Variants in NAV1 observed in about 807,000 individuals in gnomAD.
NAV1 encodes pore membrane and/or filament interacting like protein 3.
In NAV1, 18 loss-of-function variants were observed where a neutral mutation model predicts 175.2. The ratio of observed to expected loss-of-function variants is 0.10; its 90% CI spans 0.07 to 0.15. The LOEUF is 0.15. NAV1 is among the 10% of genes least tolerant of loss of function. The pLI is 1.00. For synonymous variants in NAV1, 897 were observed against 978.7 expected, an observed-to-expected ratio of 0.92 and a Z score of 1.56; for missense variants, 1,731 against 2,436.6, an observed-to-expected ratio of 0.71 and a Z score of 6.10.
At chr1:201,762,101 A>C (rs1674899596) in intron 3 of NAV1, among the ~76,000 whole-genome samples, 1 of 152,238 alleles carries the variant, frequency 6.6e-6, no homozygotes, top group Non-Finnish European at 1.5e-5. Flanking sequence ...TTGAGGCTGC[A>C]ATGAGCTGTG....
intron 2 of NAV1, among the ~76,000 whole-genome samples, chr1:201,641,859 A>T (rs1015623544): frequency 6.6e-6 from 1 of 152,052 alleles, no homozygotes; most frequent in Admixed American, 6.5e-5. Context: ...GTATGGGCTC[A>T]TGTGCCCCCT....
intron 1 of NAV1, among the ~76,000 whole-genome samples, chr1:201,701,340 C>T (rs1465004995): frequency 6.6e-6 from 1 of 151,608 alleles, no homozygotes; most frequent in Non-Finnish European, 1.5e-5. Flanking sequence ...TGCAACAAAC[C>T]AACATAGCAC....
At chr1:201,553,611 G>A (rs200996783) in intron 1 of NAV1, among the ~76,000 whole-genome samples, 5 of 152,156 alleles carry the variant, frequency 3.3e-5, no homozygotes, top group Non-Finnish European at 7.4e-5. Flanking sequence ...GACCCACACC[G>A]GATCCAGATA....
intron 1 of NAV1, among the ~76,000 whole-genome samples, chr1:201,550,194 C>T (rs767397125): frequency 3.3e-5 from 5 of 151,742 alleles, no homozygotes; most frequent in South Asian, 2.1e-4. Flanking sequence ...TTTTAAGAGA[C>T]GGGGTCTTAA....
chr1:201,651,176 A>G (rs954395410), intron 1 of NAV1, among the ~76,000 whole-genome samples: 2 of 129,428 alleles, frequency 1.5e-5, no homozygotes, highest in Admixed American at 7.7e-5. Flanking sequence ...TGAGAGAGGG[A>G]CTTGGCGAGG....
intron 1 of NAV1, among the ~76,000 whole-genome samples, chr1:201,572,960 C>T (rs942466970): frequency 1.3e-5 from 2 of 151,378 alleles, no homozygotes; most frequent in Non-Finnish European, 2.9e-5. Flanking sequence ...CTTGCCCCTG[C>T]CCATCTCACC....
intron 1 of NAV1, among the ~76,000 whole-genome samples, chr1:201,660,983 T>C (rs1259312860): frequency 6.6e-6 from 1 of 152,194 alleles, no homozygotes. Context: ...GCCTTATTGG[T>C]GCATGCTTGT....
At chr1:201,710,233 G>T (rs659963) in intron 1 of NAV1, among the ~76,000 whole-genome samples, 1 of 148,702 alleles carries the variant, frequency 6.7e-6, no homozygotes, top group Non-Finnish European at 1.5e-5. Flanking sequence ...ATGGGTTTTT[G>T]GAAATTTTAA....
exon 30 of NAV1, chr1:201,826,427 A>C (rs1679676289): frequency 1.3e-5 from 2 of 152,326 alleles, no homozygotes; most frequent in African/African-American, 2.4e-5. Context: ...TTTCTAACAA[A>C]ACAATCTTTT....
rs572408209 is a variant in NAV1, at chr1:201,707,964, A to G, written c.758-4853A>G. 1.1e-4 allele frequency among the ~76,000 whole-genome samples: 17 copies of G among 152,368 alleles called. No homozygotes were observed. The South Asian group carries it at 3.5e-3, about 32-fold the overall frequency. ...TTTGGAGTCAAAAAGACTTGTGATC[A>G]GTCCCCTGGCTCAAATTAAATAACA... On this transcript the variant is annotated intron_variant, in intron 1 of 29. Coordinates refer to ENST00000367296, the Ensembl canonical transcript of NAV1.
chr1:201,730,768 T>C (rs1467540699), intron 3 of NAV1, among the ~76,000 whole-genome samples: 1 of 152,190 alleles, frequency 6.6e-6, no homozygotes, highest in African/African-American at 2.4e-5. Flanking sequence ...TGAATACAAG[T>C]CCTTGTTTGA....
At chr1:201,701,034 A>G (rs1177461700) in intron 1 of NAV1, among the ~76,000 whole-genome samples, 2 of 144,686 alleles carry the variant, frequency 1.4e-5, no homozygotes, top group African/African-American at 2.5e-5. Flanking sequence ...AAAAAAAAAG[A>G]AAGAAAAGAA....
At chr1:201,754,886 G>A (rs1056237769) in intron 3 of NAV1, among the ~76,000 whole-genome samples, 1 of 152,078 alleles carries the variant, frequency 6.6e-6, no homozygotes, top group Non-Finnish European at 1.5e-5. Flanking sequence ...CAATAAATTA[G>A]CAATAAATTT....
At chr1:201,583,338 G>C (rs1666925245) in intron 1 of NAV1, among the ~76,000 whole-genome samples, 1 of 152,252 alleles carries the variant, frequency 6.6e-6, no homozygotes, top group African/African-American at 2.4e-5. Flanking sequence ...TGTGTTAATT[G>C]TCCAAGCCCT....
chr1:201,673,613 G>T (rs975108509), intron 1 of NAV1, among the ~76,000 whole-genome samples: 1 of 152,192 alleles, frequency 6.6e-6, no homozygotes, highest in African/African-American at 2.4e-5. Context: ...GCAAGGAACA[G>T]GCCCTGCCCT....
At chr1:201,784,283 A>G (rs1403774560) in intron 7 of NAV1, among the ~76,000 whole-genome samples, 1 of 152,070 alleles carries the variant, frequency 6.6e-6, no homozygotes, top group Non-Finnish European at 1.5e-5. Flanking sequence ...TCAGCCTGCT[A>G]AGTAGCTGGG....
At chr1:201,599,671 G>T (rs1014067281) in intron 2 of NAV1, among the ~76,000 whole-genome samples, 1 of 152,250 alleles carries the variant, frequency 6.6e-6, no homozygotes, top group Non-Finnish European at 1.5e-5. Flanking sequence ...TACTAGGAGG[G>T]GGAACCATCA....
rs1156264411 is a variant in NAV1, at chr1:201,810,824, CG to C, written c.4797+68del. The C allele has an allele frequency of 2.5e-6, 3 of 1,217,212 alleles. No homozygotes were observed. The highest frequency in any genetic ancestry group is 3.6e-6 in the Non-Finnish European group (3 of 844,768). The allele number at this position is 1,217,212 out of a possible 1,614,324, so 75.4% of individuals were successfully genotyped here. On this transcript the variant is annotated intron_variant, in intron 24 of 29. Transcript: ENST00000367296. The surrounding 1 kb of genome is among the most constrained non-coding windows in gnomAD (Gnocchi z 6.0). The stretch of plus-strand genomic sequence containing the variant: ...CTCAGCCTTCCCTAAGACCCTTCCT[CG>C]GCCCCTTCCTGCCTCATTGTTCCCT...
At chr1:201,622,981 C>G (rs1385903851) in exon 1 of NAV1, 1 of 986,106 alleles carries the variant, frequency 1.0e-6, no homozygotes, top group Non-Finnish European at 1.2e-6. Context: ...GATTCCTACA[C>G]CGGGCGCTTC....
Sources: allele counts gnomAD v4.1 joint callset (sites outside exome capture counted in the v4.1 genomes callset), GRCh38; gene constraint gnomAD v4.1.1; non-coding constraint Gnocchi (gnomAD v3.1); transcripts MANE v1.5; gene names NCBI Gene and HGNC (gene_info 2026-07-23, HGNC 2026-07-21).